GRM5: variants seen among roughly 807,000 people sequenced by gnomAD.
GRM5 encodes the protein metabotropic glutamate receptor 5.
GRM5 carries 19 observed loss-of-function variants against 83.1 expected under a neutral mutation model. The ratio of observed to expected loss-of-function variants is 0.23; its 90% CI spans 0.16 to 0.34. GRM5 has a LOEUF of 0.34. Ranked by LOEUF, GRM5 falls within the 10% of genes least tolerant of loss-of-function variation. The pLI is 1.00. For synonymous variants in GRM5, 675 were observed against 633.6 expected (o/e 1.07, Z -0.98); for missense variants, 1,160 against 1,588.3 (o/e 0.73, Z 4.58).
intron 3 of GRM5, among the ~76,000 whole-genome samples, chr11:88,662,183 T>C (rs1474526319): frequency 6.6e-6 from 1 of 152,154 alleles, no homozygotes; most frequent in Non-Finnish European, 1.5e-5. Context: ...TTTTTACATC[T>C]GAGGAAACTG....
At chr11:88,863,956 A>G (rs1290400418) in intron 2 of GRM5, among the ~76,000 whole-genome samples, 3 of 150,624 alleles carry the variant, frequency 2.0e-5, no homozygotes, top group African/African-American at 7.3e-5. Flanking sequence ...TATAATAGAG[A>G]CTCCCTTTTT....
At chr11:88,594,065 T>TGTG (rs1937730324) in intron 6 of GRM5, among the ~76,000 whole-genome samples, 1 of 152,134 alleles carries the variant, frequency 6.6e-6, no homozygotes. Context: ...AGTGCTGGGA[T>TGTG]TACAGGCGTG....
chr11:89,058,500 C>A (rs765790902), intron 1 of GRM5, among the ~76,000 whole-genome samples: 3 of 152,150 alleles, frequency 2.0e-5, no homozygotes, highest in African/African-American at 4.8e-5. Flanking sequence ...GCAAGATCGA[C>A]ATAGTCATGA....
intron 3 of GRM5, among the ~76,000 whole-genome samples, chr11:88,834,255 C>T (rs544066078): frequency 6.6e-6 from 1 of 152,018 alleles, no homozygotes; most frequent in South Asian, 2.1e-4. Context: ...AATATGTATC[C>T]ATGACAAAAG....
At chr11:88,530,552 A>T (rs1216220945) in intron 8 of GRM5, among the ~76,000 whole-genome samples, 1 of 152,072 alleles carries the variant, frequency 6.6e-6, no homozygotes, top group East Asian at 1.9e-4. Context: ...AAAGATGTGC[A>T]GGTAAGAATA....
chr11:89,051,318 T>A (rs1276651200), intron 1 of GRM5, among the ~76,000 whole-genome samples: 2 of 151,736 alleles, frequency 1.3e-5, no homozygotes, highest in Non-Finnish European at 2.9e-5. Flanking sequence ...AAAATATGCC[T>A]ACAACATGAA....
At chr11:89,010,561 T>A (rs535879693) in intron 2 of GRM5, among the ~76,000 whole-genome samples, 49 of 152,144 alleles carry the variant, frequency 3.2e-4, no homozygotes, top group South Asian at 2.7e-3. Context: ...GGCACAGAAT[T>A]GTTAAAATGA....
chr11:88,637,393 G>A lies in GRM5; in HGVS notation c.1147+15775C>T, dbSNP rs534122257. On this transcript the variant is annotated intron_variant, in intron 4 of 9. Coordinates refer to ENST00000305447, the MANE Select transcript of GRM5 (RefSeq NM_001143831.3). ...ACCTACAAAATGGGAGAAAATTTTC[G>A]CAACCTACTCATCTGACAAAGGGCT... 3.4e-3 allele frequency among the ~76,000 whole-genome samples: 511 copies of A among 151,738 alleles called. 2 individuals carry two copies. The highest frequency in any genetic ancestry group is 0.012 in the African/African-American group (488 of 41,394).
chr11:88,901,722 G>C (rs1411359301), intron 2 of GRM5, among the ~76,000 whole-genome samples: 1 of 152,176 alleles, frequency 6.6e-6, no homozygotes, highest in South Asian at 2.1e-4. Context: ...CCTTTGAAAA[G>C]TGATCATTTG....
intron 2 of GRM5, among the ~76,000 whole-genome samples, chr11:88,926,571 C>T (rs1945792456): frequency 1.3e-5 from 2 of 152,130 alleles, no homozygotes; most frequent in South Asian, 4.1e-4. Context: ...ACTACTTTGT[C>T]TATTTAGCAA....
At chr11:88,775,667 A>T (rs990852132) in intron 3 of GRM5, among the ~76,000 whole-genome samples, 1 of 152,184 alleles carries the variant, frequency 6.6e-6, no homozygotes, top group Non-Finnish European at 1.5e-5. Context: ...TTCAAAGAAC[A>T]TCTTTATTTT....
chr11:88,800,704 C>G (rs906658979), intron 3 of GRM5, among the ~76,000 whole-genome samples: 2 of 152,080 alleles, frequency 1.3e-5, no homozygotes, highest in Admixed American at 6.6e-5. Context: ...TAGGTGACAC[C>G]TGGATTTAAG....
At chr11:88,537,106 G>A (rs1404927697) in intron 8 of GRM5, among the ~76,000 whole-genome samples, 1 of 152,046 alleles carries the variant, frequency 6.6e-6, no homozygotes. Context: ...TTTATTTCAT[G>A]CTTAAAAACC....
At position 88,872,809 on chromosome 11, in the gene GRM5, G is replaced by T. The variant is rs919819164; in HGVS notation, c.662-22654C>A. Among the ~76,000 whole-genome samples, 3 of 151,140 alleles carry T rather than the reference G, an allele frequency of 2.0e-5. No homozygotes were observed. In the Admixed American group the frequency reaches 2.0e-4, roughly 10 times the overall value. On this transcript the variant is annotated intron_variant, in intron 2 of 9. Coordinates refer to ENST00000305447, the MANE Select transcript of GRM5 (RefSeq NM_001143831.3). The stretch of plus-strand genomic sequence containing the variant: ...AATGTAAAAGAAGAAATGAAAAAAG[G>T]ATCAACAAATCAACTGGAAAACAAG...
chr11:88,963,518 C>A (rs1001804578), intron 2 of GRM5, among the ~76,000 whole-genome samples: 1 of 152,154 alleles, frequency 6.6e-6, no homozygotes, highest in Non-Finnish European at 1.5e-5. Context: ...TTCCTTCTGG[C>A]TGAAATACAG....
intron 7 of GRM5, among the ~76,000 whole-genome samples, chr11:88,577,612 T>A (rs1439004810): frequency 1.3e-5 from 2 of 152,116 alleles, no homozygotes; most frequent in Non-Finnish European, 2.9e-5. Flanking sequence ...CCTTCTTTAA[T>A]ACCTACAAGG....
intron 2 of GRM5, among the ~76,000 whole-genome samples, chr11:88,928,263 T>C (rs1945822724): frequency 6.6e-6 from 1 of 152,136 alleles, no homozygotes; most frequent in African/African-American, 2.4e-5. Flanking sequence ...TTACCAGTTA[T>C]ATAATTGTAG....
chr11:88,983,431 G>C (rs1939591547), intron 2 of GRM5, among the ~76,000 whole-genome samples: 1 of 152,166 alleles, frequency 6.6e-6, no homozygotes, highest in Non-Finnish European at 1.5e-5. Context: ...GATCCCATAA[G>C]ATTATAATGA....
chr11:88,579,506 C>T (rs924800732), intron 7 of GRM5, among the ~76,000 whole-genome samples: 9 of 152,092 alleles, frequency 5.9e-5, no homozygotes, highest in South Asian at 2.1e-4. Context: ...TAGTATTAAA[C>T]GGGTTGCTCA....
Sources: allele counts gnomAD v4.1 joint callset (sites outside exome capture counted in the v4.1 genomes callset), GRCh38; gene constraint gnomAD v4.1.1; transcripts MANE v1.5; gene names NCBI Gene and HGNC (gene_info 2026-07-23, HGNC 2026-07-21).